The following CCDC88A variants were observed in gnomAD, a reference collection of about 807,000 sequenced individuals.
CCDC88A encodes girdin.
Under a neutral mutation model 234.3 loss-of-function variants are expected in CCDC88A, and 54 were observed. That is an observed-to-expected ratio of 0.23 (90% confidence interval 0.19 to 0.29). CCDC88A has a LOEUF of 0.29. Ranked by LOEUF, CCDC88A falls within the 10% of genes least tolerant of loss-of-function variation. The pLI is 1.00. For missense variants in CCDC88A, 1,832 were observed against 2,123.4 expected (o/e 0.86, Z 2.70); for synonymous variants, 753 against 737.8 (o/e 1.02, Z -0.33).
chr2:55,325,898 C>A (rs766357921), intron 17 of CCDC88A, among the ~76,000 whole-genome samples: 2 of 152,170 alleles, frequency 1.3e-5, no homozygotes, highest in Non-Finnish European at 2.9e-5. Flanking sequence ...ATGCTATTTA[C>A]TGCACTAAAA....
intron 2 of CCDC88A, among the ~76,000 whole-genome samples, chr2:55,402,875 G>C (rs568974803): frequency 2.6e-5 from 4 of 152,136 alleles, no homozygotes; most frequent in African/African-American, 7.2e-5. Flanking sequence ...CAGGCGTGGT[G>C]GTGGGCACCT....
rs1290364750 is a variant in CCDC88A, at chr2:55,309,588, C to T, written c.4080-334G>A. ...ATGTTCATGCAAATATTTTTCTTTT[C>T]GGCAGAATTACTTAGGTTTGATTTA... is the stretch of plus-strand genomic sequence containing the variant. On this transcript the variant is annotated intron_variant, in intron 23 of 32. Transcript: ENST00000436346. This position sits in a 1 kb window ranked among gnomAD's most constrained non-coding sequence, Gnocchi z 5.1. Among the ~76,000 whole-genome samples the T allele has an allele frequency of 2.0e-5, 3 of 152,096 alleles. No homozygotes were observed. The highest frequency in any genetic ancestry group is 1.9e-4 in the East Asian group (1 of 5,186).
At position 55,328,182 on chromosome 2, in the gene CCDC88A, T is replaced by G. The variant is rs1299938678; in HGVS notation, c.2997+112A>C. Reference sequence around the variant, plus strand: ...CTCAAGTTTATGAAAAAGGAAGAAATAGACTAAATATCAATAAAATGTTTA... The same window carrying G: ...CTCAAGTTTATGAAAAAGGAAGAAAGAGACTAAATATCAATAAAATGTTTA... On this transcript the variant is annotated intron_variant, in intron 17 of 32. Coordinates refer to ENST00000436346, the MANE Select transcript of CCDC88A (RefSeq NM_001365480.1). This position sits in a 1 kb window ranked among gnomAD's most constrained non-coding sequence, Gnocchi z 4.3. 1 of 832,894 alleles carries G rather than the reference T, an allele frequency of 1.2e-6. No homozygotes were observed. Among genetic ancestry groups the G allele is most frequent in the Non-Finnish European group, 1.9e-6 (1 of 539,640 alleles). 51.6% of individuals were successfully genotyped at this position (832,894 alleles called of 1,614,324 possible). A position where few individuals can be genotyped will look rare whatever the true frequency, so the allele number is the denominator to read the frequency against.
chr2:55,396,869 C>CA (rs34500780), intron 2 of CCDC88A, among the ~76,000 whole-genome samples: 1,509 of 57,734 alleles, frequency 0.026, 16 homozygotes, highest in African/African-American at 0.041. Context: ...GACTCCATCT[C>CA]AAAAAAAAAA....
intron 2 of CCDC88A, among the ~76,000 whole-genome samples, chr2:55,413,573 C>G (rs555013828): frequency 6.6e-6 from 1 of 152,216 alleles, no homozygotes; most frequent in South Asian, 2.1e-4. Flanking sequence ...AATCATTCAA[C>G]AGAAATATAT....
intron 2 of CCDC88A, among the ~76,000 whole-genome samples, chr2:55,390,940 G>C (rs55711116): frequency 0.5 from 76,743 of 152,100 alleles, 21,482 homozygotes; most frequent in Admixed American, 0.63. Context: ...AGGTATTCAA[G>C]ACCAGCCTGG....
chr2:55,413,974 A>C (rs577315724), intron 2 of CCDC88A, among the ~76,000 whole-genome samples: 30 of 152,020 alleles, frequency 2.0e-4, no homozygotes, highest in South Asian at 6.2e-4. Context: ...AAAACAAAAA[A>C]AAAAAACAAG....
chr2:55,380,061 T>TAAAA (rs57314271), intron 3 of CCDC88A, among the ~76,000 whole-genome samples: 1,386 of 75,364 alleles, frequency 0.018, 174 homozygotes, highest in Non-Finnish European at 0.022. Context: ...CTGTCTCTAC[T>TAAAA]AAAAAAAAAA....
intron 2 of CCDC88A, among the ~76,000 whole-genome samples, chr2:55,411,798 A>AC (rs138946788): frequency 0.082 from 9,840 of 120,564 alleles, 834 homozygotes; most frequent in Admixed American, 0.18. Flanking sequence ...AAAAAAAAAA[A>AC]AAAAACTCAA....
intron 3 of CCDC88A, among the ~76,000 whole-genome samples, chr2:55,380,553 C>A (rs1558778705): frequency 6.6e-6 from 1 of 152,088 alleles, no homozygotes; most frequent in East Asian, 1.9e-4. Flanking sequence ...ATTTCCACCA[C>A]ATGTTAGCTG....
At chr2:55,393,280 G>A (rs1489590684) in intron 2 of CCDC88A, among the ~76,000 whole-genome samples, 1 of 87,104 alleles carries the variant, frequency 1.1e-5, no homozygotes, top group East Asian at 3.3e-4. Context: ...TTTGATTTTG[G>A]TTTTTTGGGT....
At chr2:55,360,950 G>A (rs868414165) in intron 7 of CCDC88A, among the ~76,000 whole-genome samples, 9 of 152,144 alleles carry the variant, frequency 5.9e-5, no homozygotes, top group Non-Finnish European at 1.0e-4. Context: ...TTAGCCATGC[G>A]TGGTGGCGCG....
At chr2:55,333,638 T>G (rs1195034095) in intron 15 of CCDC88A, among the ~76,000 whole-genome samples, 1 of 152,156 alleles carries the variant, frequency 6.6e-6, no homozygotes, top group East Asian at 1.9e-4. Flanking sequence ...AAGGATTAGT[T>G]GTAAAGATTA....
intron 23 of CCDC88A, 129 bp downstream of exon 23, chr2:55,312,305 G>A (rs1682444268): frequency 1.4e-6 from 1 of 728,410 alleles, no homozygotes; most frequent in East Asian, 2.5e-5. Context: ...ATAGTGCCTG[G>A]AATATAAGCA....
intron 7 of CCDC88A, among the ~76,000 whole-genome samples, chr2:55,361,123 A>G (rs1237068272): frequency 6.6e-6 from 1 of 152,160 alleles, no homozygotes; most frequent in Non-Finnish European, 1.5e-5. Flanking sequence ...ATAATAAAAT[A>G]AAACCAAAGT....
intron 2 of CCDC88A, among the ~76,000 whole-genome samples, chr2:55,396,110 A>G (rs146596137): frequency 2.0e-5 from 3 of 151,990 alleles, no homozygotes. Context: ...TTAGTCAGTA[A>G]GTTAAACAAA....
At chr2:55,327,636 A>C (rs1256998394) in intron 17 of CCDC88A, among the ~76,000 whole-genome samples, 1 of 152,186 alleles carries the variant, frequency 6.6e-6, no homozygotes, top group Non-Finnish European at 1.5e-5. Flanking sequence ...TGTTTAGTTA[A>C]CCTTGAGACC....
At position 55,334,537 on chromosome 2, in the gene CCDC88A, C is replaced by G. The variant is rs755992704; in HGVS notation, c.2284G>C (p.Asp762His). ...ERLEVSYQGL[D>H]IENQRLQKTL... is the part of the protein sequence containing the mutation. ...TTTTGCAGTCTTTGATTTTCTATAT[C>G]TAAACCCTGGTAGCTAACTTCTAAG... Residue 762 changes from aspartate (D) to histidine (H), a missense_variant, in exon 15 of 33, where the codon GAT (aspartate) becomes CAT (histidine). Physicochemically the swap from Asp to His is moderately conservative, Grantham distance 81 (BLOSUM62 -1). Around this residue, in one of 6 missense-constraint regions of CCDC88A, gnomAD observed 1,282 missense variants for 1,543.6 expected, o/e 0.83. Coordinates refer to ENST00000436346, the MANE Select transcript of CCDC88A (RefSeq NM_001365480.1). This position sits in a 1 kb window ranked among gnomAD's most constrained non-coding sequence, Gnocchi z 6.1. 5 of 1,611,822 alleles carry G rather than the reference C, an allele frequency of 3.1e-6. No individual in the cohort carries two copies. Among genetic ancestry groups the G allele is most frequent in the African/African-American group, 1.3e-5 (1 of 74,840 alleles).
intron 14 of CCDC88A, among the ~76,000 whole-genome samples, chr2:55,336,415 G>A (rs1343885881): frequency 6.6e-6 from 1 of 151,904 alleles, no homozygotes; most frequent in African/African-American, 2.4e-5. Context: ...CTATTCCACA[G>A]ACACTTGAAA....
Sources: allele counts gnomAD v4.1 joint callset (sites outside exome capture counted in the v4.1 genomes callset), GRCh38; gene constraint gnomAD v4.1.1; regional missense constraint gnomAD v4.1.1; non-coding constraint Gnocchi (gnomAD v3.1); transcripts MANE v1.5; gene names NCBI Gene and HGNC (gene_info 2026-07-23, HGNC 2026-07-21).